Variants in TXNDC15 observed in about 807,000 individuals in gnomAD.
TXNDC15 encodes the protein thioredoxin domain-containing protein 15.
In TXNDC15, 24 loss-of-function variants were observed where a neutral mutation model predicts 35.0. That is an observed-to-expected ratio of 0.68 (90% CI 0.50 to 0.96). TXNDC15 has a LOEUF of 0.96. Ranked by LOEUF, TXNDC15 falls within the 40% of genes least tolerant of loss-of-function variation. TXNDC15 has a pLI of 0.00. For synonymous variants in TXNDC15, 169 were observed against 174.0 expected (o/e 0.97, Z 0.23); for missense variants, 385 against 453.3 (o/e 0.85, Z 1.37).
intron 1 of TXNDC15, 148 bp from the exon 2 acceptor site, chr5:134,887,547 A>G (rs865873338): frequency 8.2e-6 from 8 of 971,380 alleles, no homozygotes; most frequent in Non-Finnish European, 8.9e-6. Flanking sequence ...CTAACCTGGG[A>G]AATGGTGAGT....
At chr5:134,882,085 C>T (rs1291766141) in intron 1 of TXNDC15, among the ~76,000 whole-genome samples, 4 of 150,374 alleles carry the variant, frequency 2.7e-5, no homozygotes, top group Admixed American at 6.6e-5. Context: ...CCTCACTTCT[C>T]AGACAGGGCG....
intron 1 of TXNDC15, chr5:134,875,377 C>T: frequency 2.2e-6 from 1 of 456,252 alleles, no homozygotes; most frequent in South Asian, 1.5e-5. Context: ...GGCAGGACAG[C>T]AGAGAGTTGT....
At chr5:134,899,340 T>G in intron 4 of TXNDC15, 149 bp from the exon 5 acceptor site, 1 of 654,540 alleles carries the variant, frequency 1.5e-6, no homozygotes, top group South Asian at 2.2e-5. Context: ...GATAGGCAAG[T>G]GAAATCCATC....
intron 2 of TXNDC15, among the ~76,000 whole-genome samples, chr5:134,889,159 A>G (rs1750337646): frequency 6.6e-6 from 1 of 152,232 alleles, no homozygotes; most frequent in South Asian, 2.1e-4. Context: ...TGTCACTCAC[A>G]TGACTGGGAG....
At chr5:134,876,601 T>C (rs1422345196) in intron 1 of TXNDC15, among the ~76,000 whole-genome samples, 1 of 152,172 alleles carries the variant, frequency 6.6e-6, no homozygotes, top group Non-Finnish European at 1.5e-5. Context: ...ATGTGCTGTT[T>C]CCTGGCAGAA....
At chr5:134,883,078 C>T (rs1750192893) in intron 1 of TXNDC15, among the ~76,000 whole-genome samples, 1 of 151,534 alleles carries the variant, frequency 6.6e-6, no homozygotes, top group Non-Finnish European at 1.5e-5. Context: ...TACTTGAGGC[C>T]AGGAGTTTGA....
Position 134,887,706 on chromosome 5 carries a change from A to G in TXNDC15, c.115A>G (p.Ser39Gly). Reference protein sequence around the residue: ...PVRGVEVAEESGRLWSEEQPA... With the variant: ...PVRGVEVAEEGGRLWSEEQPA... ...CTGGCATGTTTTAGTTGCAGAGGAAAGTGGTCGCTTATGGTCAGAGGAGCA... is the reference window on the plus strand; with the variant it reads ...CTGGCATGTTTTAGTTGCAGAGGAAGGTGGTCGCTTATGGTCAGAGGAGCA... Residue 39 changes from serine (S) to glycine (G), a missense_variant, in exon 2 of 5, where the codon AGT becomes GGT. Physicochemically the swap from Ser to Gly is moderately conservative, Grantham distance 56. Coordinates refer to ENST00000358387, the MANE Select transcript of TXNDC15 (RefSeq NM_024715.4). The G allele has an allele frequency of 1.3e-6, 2 of 1,573,312 alleles. No homozygotes were observed. Among genetic ancestry groups the G allele is most frequent in the South Asian group, 1.2e-5 (1 of 85,896 alleles).
chr5:134,884,213 C>T (rs1247001478), intron 1 of TXNDC15, among the ~76,000 whole-genome samples: 1 of 111,902 alleles, frequency 8.9e-6, no homozygotes, highest in Admixed American at 9.9e-5. Context: ...GAGCAAGACT[C>T]AGTTTCAAAA....
At chr5:134,878,333 A>G (rs1750080043) in intron 1 of TXNDC15, among the ~76,000 whole-genome samples, 1 of 152,204 alleles carries the variant, frequency 6.6e-6, no homozygotes, top group Admixed American at 6.5e-5. Flanking sequence ...TGTGGCAGGG[A>G]CCATACACAT....
intron 1 of TXNDC15, among the ~76,000 whole-genome samples, chr5:134,882,809 C>T (rs191618064): frequency 0.028 from 4,209 of 151,880 alleles, 155 homozygotes; most frequent in African/African-American, 0.085. Context: ...AGCTTCGGCT[C>T]GGCATCAGAG....
At chr5:134,875,169 C>T (rs1292089296) in intron 1 of TXNDC15, 4 of 456,120 alleles carry the variant, frequency 8.8e-6, no homozygotes, top group African/African-American at 6.0e-5. Context: ...GGGAGACTCC[C>T]GGTAACCCCC....
intron 1 of TXNDC15, chr5:134,875,162 A>T (rs1347803194): frequency 6.6e-6 from 3 of 456,146 alleles, no homozygotes; most frequent in Non-Finnish European, 1.3e-5. Flanking sequence ...GAAACACGGG[A>T]GACTCCCGGT....
chr5:134,890,632 A>G (rs932301196), intron 2 of TXNDC15, among the ~76,000 whole-genome samples: 1 of 150,196 alleles, frequency 6.7e-6, no homozygotes, highest in African/African-American at 2.4e-5. Context: ...CTGGTCTTGA[A>G]CTCCTGACCT....
chr5:134,877,774 A>ATT (rs1286005565), intron 1 of TXNDC15, among the ~76,000 whole-genome samples: 4 of 136,412 alleles, frequency 2.9e-5, no homozygotes, highest in Non-Finnish European at 6.4e-5. Context: ...TGCCTGGCTA[A>ATT]TTTTTTTTTT....
intron 1 of TXNDC15, among the ~76,000 whole-genome samples, chr5:134,882,216 C>T (rs1750166659): frequency 6.7e-6 from 1 of 148,276 alleles, no homozygotes; most frequent in South Asian, 2.1e-4. Context: ...GGCGACAGGG[C>T]AGAGGCGCTC....
intron 4 of TXNDC15, among the ~76,000 whole-genome samples, chr5:134,898,246 G>A (rs1399854995): frequency 6.6e-6 from 1 of 152,098 alleles, no homozygotes; most frequent in African/African-American, 2.4e-5. Context: ...GTATGGTTAT[G>A]TTTTGTTCTT....
chr5:134,886,578 A>G (rs1305284688), intron 1 of TXNDC15, among the ~76,000 whole-genome samples: 1 of 152,214 alleles, frequency 6.6e-6, no homozygotes, highest in Non-Finnish European at 1.5e-5. Flanking sequence ...AAAGTGGGGG[A>G]AAGTTCTCTT....
At chr5:134,882,569 A>G (rs1750178370) in intron 1 of TXNDC15, among the ~76,000 whole-genome samples, 1 of 152,244 alleles carries the variant, frequency 6.6e-6, no homozygotes, top group Non-Finnish European at 1.5e-5. Context: ...CACTGAGTGA[A>G]GGAGACTCCT....
upstream of TXNDC15, chr5:134,874,326 C>T: frequency 1.0e-6 from 1 of 981,294 alleles, no homozygotes; most frequent in African/African-American, 1.7e-5. Context: ...AAGATGGCGG[C>T]GCGGGGCCGC....
Sources: allele counts gnomAD v4.1 joint callset (sites outside exome capture counted in the v4.1 genomes callset), GRCh38; gene constraint gnomAD v4.1.1; transcripts MANE v1.5; gene names NCBI Gene and HGNC (gene_info 2026-07-23, HGNC 2026-07-21).